Variants in CSMD3 observed in about 807,000 individuals in gnomAD.
CSMD3 encodes the protein CUB and Sushi multiple domains 3, also known as CUB and sushi domain-containing protein 3.
A neutral mutation model predicts 435.2 loss-of-function variants in CSMD3; 177 were observed. The ratio of observed to expected loss-of-function variants is 0.41; its 90% CI spans 0.36 to 0.46. The LOEUF is 0.46. Among genes scored for constraint, CSMD3 ranks in the 20% least tolerant of loss-of-function variants. The pLI is 0.34. For synonymous variants in CSMD3, 1,656 were observed against 1,520.5 expected (o/e 1.09, Z -2.07); for missense variants, 4,265 against 4,504.6 (o/e 0.95, Z 1.52).
rs780312236 is a variant in CSMD3 at position 112,380,366 on chromosome 8, T to C, written c.6122A>G (p.His2041Arg). Reference protein sequence around the residue: ...SDISVSAAGFHLEYTAIGLDS... With the variant: ...SDISVSAAGFRLEYTAIGLDS... ...ATTATTTTTACCTGTGTATTCAAGA[T>C]GAAATCCTGCAGCAGAAACACTGAT... Residue 2041 changes from histidine to arginine, a missense_variant, in exon 38 of 71, where the codon CAT becomes CGT. Physicochemically the swap from His to Arg is conservative, Grantham distance 29. Around this residue, in one of 3 missense-constraint regions of CSMD3, gnomAD observed 3,255 missense variants for 3,380.2 expected, o/e 0.96. Coordinates refer to ENST00000297405, the MANE Select transcript of CSMD3 (RefSeq NM_198123.2). 8 of 1,568,750 alleles carry C rather than the reference T, an allele frequency of 5.1e-6. No homozygotes were observed. The South Asian group carries it at 8.9e-5, about 17-fold the overall frequency.
chr8:112,556,701 T>C (rs1484335501), intron 25 of CSMD3, 62 bp downstream of exon 25: 6 of 1,368,412 alleles, frequency 4.4e-6, no homozygotes, highest in Non-Finnish European at 6.2e-6. Flanking sequence ...TTCTTAAAAA[T>C]GCAAAGAATT....
intron 12 of CSMD3, among the ~76,000 whole-genome samples, chr8:112,814,475 G>A: frequency 6.6e-6 from 1 of 152,036 alleles, no homozygotes; most frequent in East Asian, 1.9e-4. Context: ...GATCTCTAAG[G>A]CCATTTAATT....
intron 13 of CSMD3, among the ~76,000 whole-genome samples, chr8:112,744,313 A>G (rs185876849): frequency 1.8e-4 from 27 of 152,242 alleles, no homozygotes; most frequent in Admixed American, 1.7e-3. Context: ...CTCTCAAAAC[A>G]TAATTCCCAT....
At chr8:113,165,044 T>G (rs1026889118) in intron 4 of CSMD3, among the ~76,000 whole-genome samples, 2 of 152,166 alleles carry the variant, frequency 1.3e-5, no homozygotes, top group African/African-American at 4.8e-5. Context: ...TGTGGTTCAC[T>G]GAGTTTATAT....
intron 3 of CSMD3, among the ~76,000 whole-genome samples, chr8:113,278,069 A>G (rs895130076): frequency 6.6e-6 from 1 of 151,880 alleles, no homozygotes. Flanking sequence ...TTTGTACCAA[A>G]CTTCTAGGAA....
At chr8:112,342,940 G>A (rs1825267100) in intron 41 of CSMD3, among the ~76,000 whole-genome samples, 1 of 123,126 alleles carries the variant, frequency 8.1e-6, no homozygotes, top group African/African-American at 2.7e-5. Flanking sequence ...ATATATTCTT[G>A]AACATATGTT....
intron 22 of CSMD3, among the ~76,000 whole-genome samples, chr8:112,599,804 G>T (rs935413473): frequency 6.8e-6 from 1 of 146,488 alleles, no homozygotes; most frequent in African/African-American, 2.5e-5. Context: ...TCACTCATAG[G>T]TGGGAATTGA....
At chr8:112,404,396 G>C (rs1262852612) in intron 35 of CSMD3, among the ~76,000 whole-genome samples, 1 of 152,018 alleles carries the variant, frequency 6.6e-6, no homozygotes, top group Non-Finnish European at 1.5e-5. Context: ...CGAGCATGGT[G>C]GTGGGTGCCT....
At chr8:112,410,550 T>C (rs1384658396) in intron 32 of CSMD3, among the ~76,000 whole-genome samples, 1 of 128,950 alleles carries the variant, frequency 7.8e-6, no homozygotes, top group African/African-American at 2.8e-5. Context: ...AAAGAAAGAG[T>C]TAAAGGATGC....
At chr8:113,230,262 T>C (rs2093070631) in intron 3 of CSMD3, among the ~76,000 whole-genome samples, 1 of 151,722 alleles carries the variant, frequency 6.6e-6, no homozygotes. Context: ...GTTGATTTAA[T>C]TAGAATAAGT....
At chr8:112,306,224 TA>T in intron 50 of CSMD3, 32 bp from the exon 51 acceptor site, 1 of 1,559,272 alleles carries the variant, frequency 6.4e-7, no homozygotes. Context: ...CAAAATCGTA[TA>T]AACAGAAAAA....
chr8:113,269,270 T>C (rs2093498629), intron 3 of CSMD3, among the ~76,000 whole-genome samples: 1 of 152,048 alleles, frequency 6.6e-6, no homozygotes, highest in African/African-American at 2.4e-5. Context: ...AAGGACCTCT[T>C]CAAGAACAAC....
intron 63 of CSMD3, among the ~76,000 whole-genome samples, chr8:112,251,171 A>T (rs1417228091): frequency 6.6e-6 from 1 of 151,754 alleles, no homozygotes; most frequent in Non-Finnish European, 1.5e-5. Context: ...AACTTTCAAA[A>T]TTTATTTATT....
intron 13 of CSMD3, among the ~76,000 whole-genome samples, chr8:112,760,537 G>C (rs187841526): frequency 1.3e-5 from 2 of 152,028 alleles, no homozygotes; most frequent in Non-Finnish European, 2.9e-5. Flanking sequence ...AATGTAAAAC[G>C]TCCATTAATA....
intron 69 of CSMD3, among the ~76,000 whole-genome samples, chr8:112,229,186 A>G (rs1381610729): frequency 6.6e-6 from 1 of 152,182 alleles, no homozygotes; most frequent in African/African-American, 2.4e-5. Flanking sequence ...TATATCAAGC[A>G]TGAATAAATG....
At position 112,998,764 on chromosome 8, in the gene CSMD3, G is replaced by A. The variant is rs76080303; in HGVS notation, c.1030+20303C>T. 4.7e-3 allele frequency among the ~76,000 whole-genome samples: 717 copies of A among 152,022 alleles called. 6 individuals carry two copies. The highest frequency in any genetic ancestry group is 0.016 in the African/African-American group (669 of 41,504). On this transcript the variant is annotated intron_variant, in intron 6 of 70. Coordinates refer to ENST00000297405, the MANE Select transcript of CSMD3 (RefSeq NM_198123.2). ...CCTGGTGGGACGTGATGGAATCATG[G>A]AGGCAGATTTCACCCTTTGGTGCTG...
chr8:113,153,954 T>C (rs1413457319), intron 4 of CSMD3, among the ~76,000 whole-genome samples: 2 of 152,022 alleles, frequency 1.3e-5, no homozygotes, highest in African/African-American at 4.8e-5. Flanking sequence ...ATGAGTCAGT[T>C]ATCACACTGA....
At chr8:112,398,800 G>A (rs1831070625) in intron 35 of CSMD3, among the ~76,000 whole-genome samples, 1 of 152,120 alleles carries the variant, frequency 6.6e-6, no homozygotes, top group African/African-American at 2.4e-5. Context: ...TGGACAATAG[G>A]TCCTGGCTTC....
At chr8:113,434,631 T>A (rs1354110030) in intron 1 of CSMD3, among the ~76,000 whole-genome samples, 1 of 152,216 alleles carries the variant, frequency 6.6e-6, no homozygotes, top group Non-Finnish European at 1.5e-5. Flanking sequence ...AAATGTTTTT[T>A]ACGTATAGTC....
Sources: gnomAD v4.1 joint callset for allele counts (sites outside exome capture counted in the v4.1 genomes callset) on GRCh38, gnomAD v4.1.1 for gene constraint, gnomAD v4.1.1 regional missense constraint, MANE v1.5 for transcripts, NCBI Gene and HGNC (gene_info 2026-07-23, HGNC 2026-07-21) for gene names.